LDLRAD3: variants seen among roughly 807,000 people sequenced by gnomAD.
LDLRAD3 encodes low density lipoprotein receptor class A domain containing 3.
Under a neutral mutation model 29.4 loss-of-function variants are expected in LDLRAD3, and 20 were observed. That is an observed-to-expected ratio of 0.68 (90% CI 0.48 to 0.99). The LOEUF (loss-of-function observed/expected upper bound fraction) is 0.99. Among genes scored for constraint, LDLRAD3 ranks in the 50% least tolerant of loss-of-function variants. LDLRAD3 has a pLI of 0.00. For missense variants in LDLRAD3, 420 were observed against 454.3 expected, an observed-to-expected ratio of 0.92 and a Z score of 0.69; for synonymous variants, 157 against 192.7, an observed-to-expected ratio of 0.81 and a Z score of 1.53.
chr11:36,196,894 C>G (rs1328526023), intron 4 of LDLRAD3: 2 of 152,178 alleles, frequency 1.3e-5, no homozygotes, highest in Middle Eastern at 3.2e-3. Context: ...CCTATCCATT[C>G]TCTAGGACCT....
intron 1 of LDLRAD3, among the ~76,000 whole-genome samples, chr11:36,016,543 C>T (rs1852024982): frequency 6.6e-6 from 1 of 152,152 alleles, no homozygotes; most frequent in Non-Finnish European, 1.5e-5. Context: ...CAGCGCTATG[C>T]CACCTCTCCC....
chr11:36,162,736 G>C (rs1262429944), intron 4 of LDLRAD3, among the ~76,000 whole-genome samples: 2 of 152,178 alleles, frequency 1.3e-5, no homozygotes, highest in African/African-American at 4.8e-5. Context: ...TCCTGAGCTT[G>C]GCTAATGGTG....
intron 4 of LDLRAD3, among the ~76,000 whole-genome samples, chr11:36,117,091 A>G (rs10742361): frequency 0.59 from 89,895 of 151,942 alleles, 28,324 homozygotes; most frequent in Admixed American, 0.7. Context: ...TCTACCCACC[A>G]GTGATCTGCC....
At chr11:35,950,677 A>G (rs1851120229) in intron 1 of LDLRAD3, among the ~76,000 whole-genome samples, 1 of 152,158 alleles carries the variant, frequency 6.6e-6, no homozygotes, top group South Asian at 2.1e-4. Flanking sequence ...TGTGGTGTCT[A>G]GAAGAGTGAG....
intron 1 of LDLRAD3, among the ~76,000 whole-genome samples, chr11:35,991,863 TTGTTTGTGTGTGTGTG>T (rs1425675333): frequency 3.8e-5 from 4 of 103,930 alleles, no homozygotes; most frequent in Admixed American, 8.6e-5. Flanking sequence ...AATTGAATGG[TTGTTTGTGTGTGTGTG>T]TGTGTGTGTG....
In LDLRAD3 at chr11:36,087,123, C is replaced by T. The variant is rs535133002; in HGVS notation, c.319+5345C>T. 2.6e-5 allele frequency among the ~76,000 whole-genome samples: 4 copies of T among 151,674 alleles called. No homozygotes were observed. The East Asian group carries it at 5.8e-4, about 22-fold the overall frequency. ...AAATTCTTTAAGACCCAGTTTCATT[C>T]ATAAATAAACTCTAAGAAAAAAAAA... On this transcript the variant is annotated intron_variant, in intron 3 of 5. Coordinates refer to ENST00000315571, the MANE Select transcript of LDLRAD3 (RefSeq NM_174902.4).
rs1285822774 is a variant in LDLRAD3 at position 35,989,404 on chromosome 11, G to A, written c.46+45260G>A. Among the ~76,000 whole-genome samples, 5 of 152,274 alleles carry A rather than the reference G, an allele frequency of 3.3e-5. No homozygotes were observed. In the South Asian group the frequency reaches 6.2e-4, roughly 19 times the overall value. ...TTTAGAATTACTTTTCTCTAATTCT[G>A]TGGGAAATGACATTGGTAGTTTGAT... On this transcript the variant is annotated intron_variant, in intron 1 of 5. Coordinates refer to ENST00000315571, the MANE Select transcript of LDLRAD3 (RefSeq NM_174902.4).
intron 4 of LDLRAD3, among the ~76,000 whole-genome samples, chr11:36,220,637 G>C (rs1332975422): frequency 2.0e-5 from 3 of 152,166 alleles, no homozygotes; most frequent in Non-Finnish European, 4.4e-5. Context: ...ACATACTGTA[G>C]GATACTGCAT....
chr11:36,141,074 A>AC (rs1436533242), intron 4 of LDLRAD3, among the ~76,000 whole-genome samples: 3 of 147,618 alleles, frequency 2.0e-5, no homozygotes, highest in African/African-American at 7.5e-5. Flanking sequence ...ATTTTAAAAA[A>AC]TGGTTCCATC....
At chr11:36,000,911 C>T (rs1195083281) in intron 1 of LDLRAD3, among the ~76,000 whole-genome samples, 1 of 151,920 alleles carries the variant, frequency 6.6e-6, no homozygotes, top group Non-Finnish European at 1.5e-5. Flanking sequence ...CAGAGGGTCC[C>T]CAGGGAAGCA....
intron 1 of LDLRAD3, among the ~76,000 whole-genome samples, chr11:36,000,325 A>G (rs1196868357): frequency 6.6e-6 from 1 of 150,684 alleles, no homozygotes; most frequent in Non-Finnish European, 1.5e-5. Flanking sequence ...ATAGTGTTTT[A>G]TGTCTGTACA....
intron 4 of LDLRAD3, chr11:36,196,761 T>C (rs1262762860): frequency 1.3e-5 from 2 of 152,238 alleles, no homozygotes; most frequent in African/African-American, 4.8e-5. Flanking sequence ...GCTAAGTCCA[T>C]GCAAATATAA....
At chr11:36,135,898 A>G (rs1342947746) in intron 4 of LDLRAD3, among the ~76,000 whole-genome samples, 1 of 152,226 alleles carries the variant, frequency 6.6e-6, no homozygotes, top group Non-Finnish European at 1.5e-5. Flanking sequence ...CAACAGAGTG[A>G]GACTCCATCT....
At chr11:36,081,457 C>T (rs1853112432) in intron 2 of LDLRAD3, among the ~76,000 whole-genome samples, 196 bp from the exon 3 acceptor site, 1 of 152,190 alleles carries the variant, frequency 6.6e-6, no homozygotes, top group African/African-American at 2.4e-5. Context: ...TGAAGCATTC[C>T]TCTCTAGACA....
intron 2 of LDLRAD3, among the ~76,000 whole-genome samples, chr11:36,066,897 T>C (rs1418067905): frequency 6.6e-6 from 1 of 152,214 alleles, no homozygotes; most frequent in Non-Finnish European, 1.5e-5. Flanking sequence ...TCACTTTCCT[T>C]TAGAAAGATG....
At chr11:36,096,549 T>G (rs1853364281) in intron 3 of LDLRAD3, among the ~76,000 whole-genome samples, 1 of 152,248 alleles carries the variant, frequency 6.6e-6, no homozygotes, top group Non-Finnish European at 1.5e-5. Context: ...AGGACCGAGA[T>G]TCACATAATG....
chr11:35,984,191 C>G (rs1163398249), intron 1 of LDLRAD3, among the ~76,000 whole-genome samples: 1 of 152,152 alleles, frequency 6.6e-6, no homozygotes, highest in African/African-American at 2.4e-5. Flanking sequence ...AAATAAACAT[C>G]TTCAGCCTCA....
intron 2 of LDLRAD3, among the ~76,000 whole-genome samples, chr11:36,063,739 A>G (rs1288759977): frequency 2.0e-5 from 3 of 152,208 alleles, no homozygotes; most frequent in Non-Finnish European, 4.4e-5. Context: ...GTTTGTTTCT[A>G]GACACTCAAT....
chr11:35,948,374 G>T (rs1207041241), intron 1 of LDLRAD3, among the ~76,000 whole-genome samples: 1 of 151,792 alleles, frequency 6.6e-6, no homozygotes, highest in Non-Finnish European at 1.5e-5. Flanking sequence ...TAACCATGCA[G>T]TTTTGTTGTT....
Sources: gnomAD v4.1 joint callset for allele counts (sites outside exome capture counted in the v4.1 genomes callset) on GRCh38, gnomAD v4.1.1 for gene constraint, MANE v1.5 for transcripts, NCBI Gene and HGNC (gene_info 2026-07-23, HGNC 2026-07-21) for gene names.